MICU3: variants seen among roughly 807,000 people sequenced by gnomAD.
The protein encoded by MICU3 is mitochondrial calcium uptake 3.
MICU3 carries 62 observed loss-of-function variants against 66.5 expected under a neutral mutation model. That is an observed-to-expected ratio of 0.93 (90% CI 0.76 to 1.15). The LOEUF is 1.15. Among genes scored for constraint, MICU3 ranks in the 50% most tolerant of loss-of-function variants. The pLI is 0.00. For missense variants in MICU3, 779 were observed against 664.4 expected (o/e 1.17, Z -1.90); for synonymous variants, 308 against 240.7 (o/e 1.28, Z -2.59).
chr8:17,073,490 C>G (rs1819914588), intron 3 of MICU3, among the ~76,000 whole-genome samples: 1 of 152,002 alleles, frequency 6.6e-6, no homozygotes, highest in Non-Finnish European at 1.5e-5. Flanking sequence ...AAAACAAGCT[C>G]AGGACTCCCA....
chr8:17,125,196 C>CT (rs748124110), downstream of MICU3, among the ~76,000 whole-genome samples: 1 of 151,340 alleles, frequency 6.6e-6, no homozygotes, highest in South Asian at 2.1e-4. Flanking sequence ...TTTATTGTAC[C>CT]TTTTAAAGAT....
chr8:17,124,174 A>C (rs1295425215), downstream of MICU3, among the ~76,000 whole-genome samples: 1 of 152,182 alleles, frequency 6.6e-6, no homozygotes, highest in Non-Finnish European at 1.5e-5. Flanking sequence ...CAAGACACAC[A>C]GACATGTTTC....
At chr8:17,057,277 C>T (rs1316700810) in intron 1 of MICU3, among the ~76,000 whole-genome samples, 1 of 152,080 alleles carries the variant, frequency 6.6e-6, no homozygotes, top group East Asian at 1.9e-4. Flanking sequence ...TTGACAGGAA[C>T]CCAGGTACAG....
chr8:17,056,235 A>G (rs1424775714), intron 1 of MICU3, among the ~76,000 whole-genome samples: 1 of 152,070 alleles, frequency 6.6e-6, no homozygotes, highest in Non-Finnish European at 1.5e-5. Flanking sequence ...CCTCTTATCT[A>G]CTTACTCTTC....
chr8:17,028,782 T>C (rs1402300439), intron 1 of MICU3, among the ~76,000 whole-genome samples: 1 of 152,008 alleles, frequency 6.6e-6, no homozygotes. Flanking sequence ...CCCTCAAATC[T>C]CCACCCCCTC....
chr8:17,096,955 TTGTGTGTGTGTGTGTG>T (rs3988378), intron 8 of MICU3, among the ~76,000 whole-genome samples: 11 of 141,548 alleles, frequency 7.8e-5, no homozygotes, highest in South Asian at 2.3e-4. Context: ...CTAAATATAT[TTGTGTGTGTGTGTGTG>T]TGTGTGTGTG....
downstream of MICU3, among the ~76,000 whole-genome samples, chr8:17,125,325 C>G (rs1056231248): frequency 2.0e-5 from 3 of 151,338 alleles, no homozygotes; most frequent in African/African-American, 7.3e-5. Flanking sequence ...ATCTTTTATT[C>G]TCTCTGATTA....
At chr8:17,071,989 A>G (rs74443794) in intron 3 of MICU3, among the ~76,000 whole-genome samples, 6,215 of 152,192 alleles carry the variant, frequency 0.041, 458 homozygotes, top group African/African-American at 0.14. Context: ...TATAAATTCA[A>G]TGTAACTCCA....
intron 1 of MICU3, among the ~76,000 whole-genome samples, chr8:17,061,282 C>G (rs1030610897): frequency 4.6e-5 from 7 of 152,096 alleles, no homozygotes; most frequent in Non-Finnish European, 1.0e-4. Context: ...ACATTCCCAG[C>G]TGCAGTGGTC....
chr8:17,103,415 A>G (rs1801450510), intron 9 of MICU3, among the ~76,000 whole-genome samples: 2 of 151,952 alleles, frequency 1.3e-5, no homozygotes, highest in African/African-American at 2.4e-5. Context: ...ACAAAAAGCT[A>G]AAAACGATGT....
chr8:17,052,106 TTCAATCA>T, intron 1 of MICU3, among the ~76,000 whole-genome samples: 1 of 152,302 alleles, frequency 6.6e-6, no homozygotes, highest in Non-Finnish European at 1.5e-5. Context: ...TATGTCATCT[TTCAATCA>T]AATAATGAGA....
At chr8:17,065,800 G>A (rs1818581567) in intron 2 of MICU3, among the ~76,000 whole-genome samples, 1 of 152,144 alleles carries the variant, frequency 6.6e-6, no homozygotes, top group South Asian at 2.1e-4. Flanking sequence ...AAGACGATGA[G>A]TGTAAAGGAC....
intron 1 of MICU3, among the ~76,000 whole-genome samples, chr8:17,042,215 C>T (rs572847269): frequency 1.1e-4 from 17 of 151,630 alleles, no homozygotes; most frequent in Non-Finnish European, 1.6e-4. Context: ...ATTTAACTTA[C>T]ACAGCAAATG....
intron 1 of MICU3, among the ~76,000 whole-genome samples, chr8:17,058,693 A>C (rs1477473372): frequency 6.6e-6 from 1 of 152,214 alleles, no homozygotes; most frequent in Non-Finnish European, 1.5e-5. Context: ...CCTCTTTCTC[A>C]GAGTTTCCAG....
intron 1 of MICU3, among the ~76,000 whole-genome samples, chr8:17,030,295 G>T (rs1037276850): frequency 1.3e-5 from 2 of 152,152 alleles, no homozygotes; most frequent in Admixed American, 1.3e-4. Context: ...ACATATCTGT[G>T]GTTGTTACCT....
intron 1 of MICU3, among the ~76,000 whole-genome samples, chr8:17,031,387 G>A (rs1812045520): frequency 6.6e-6 from 1 of 151,396 alleles, no homozygotes; most frequent in Non-Finnish European, 1.5e-5. Flanking sequence ...CCAGGTTCAA[G>A]TGATTCTTCC....
intron 1 of MICU3, among the ~76,000 whole-genome samples, chr8:17,045,985 G>C (rs1563287032): frequency 6.6e-6 from 1 of 152,134 alleles, no homozygotes; most frequent in African/African-American, 2.4e-5. Context: ...ATGAGATTTG[G>C]GTGGGGACAC....
rs1803216126 is a variant in MICU3, at chr8:17,121,813, G to C, written c.*1526G>C. The C allele has an allele frequency of 6.6e-6, 1 of 151,774 alleles. No individual in the cohort carries two copies. The highest frequency in any genetic ancestry group is 6.6e-5 in the Admixed American group (1 of 15,216). 9.4% of individuals were successfully genotyped at this position (151,774 alleles called of 1,614,324 possible). A position where few individuals can be genotyped will look rare whatever the true frequency, so the allele number is the denominator to read the frequency against. ...TAATTTTAAAATATATTATTCATAAGTTCAAGGATCCCATATAGTATAAGA... is the reference window on the plus strand; with the variant it reads ...TAATTTTAAAATATATTATTCATAACTTCAAGGATCCCATATAGTATAAGA... On this transcript the variant is annotated 3_prime_UTR_variant, in exon 15 of 15. Coordinates refer to ENST00000318063, the MANE Select transcript of MICU3 (RefSeq NM_181723.3).
At chr8:17,112,102 C>G (rs1050081370) in intron 11 of MICU3, among the ~76,000 whole-genome samples, 2 of 152,138 alleles carry the variant, frequency 1.3e-5, no homozygotes, top group Non-Finnish European at 2.9e-5. Flanking sequence ...CCTCCCTCAA[C>G]ATGGGGGGAT....
Sources: gnomAD v4.1 joint callset for allele counts (sites outside exome capture counted in the v4.1 genomes callset) on GRCh38, gnomAD v4.1.1 for gene constraint, MANE v1.5 for transcripts, NCBI Gene and HGNC (gene_info 2026-07-23, HGNC 2026-07-21) for gene names.